Variants in MINDY2 observed in about 807,000 individuals in gnomAD.
MINDY2 encodes the protein ubiquitin carboxyl-terminal hydrolase MINDY-2.
MINDY2 carries 52 observed loss-of-function variants against 68.2 expected under a neutral mutation model. The observed-to-expected ratio is 0.76, with a 90% confidence interval of 0.61 to 0.96. The LOEUF (loss-of-function observed/expected upper bound fraction) is 0.96. Ranked by LOEUF, MINDY2 falls within the 40% of genes least tolerant of loss-of-function variation. The probability of loss-of-function intolerance (pLI) is 0.00; values close to 1 mark genes in which losing one functional copy is unlikely to be tolerated. For synonymous variants in MINDY2, 372 were observed against 303.0 expected, an observed-to-expected ratio of 1.23 and a Z score of -2.36; for missense variants, 881 against 773.4, an observed-to-expected ratio of 1.14 and a Z score of -1.65.
chr15:58,852,948 T>G lies in MINDY2; in HGVS notation c.1737+983T>G, dbSNP rs1280531808. ...TTTTTTTTTTTTTTTTTTTTTTTTT[T>G]TTTTTTTTTTTTTTTTTTTTTTAAG... On this transcript the variant is annotated intron_variant, in intron 8 of 8. Coordinates refer to ENST00000559228, the MANE Select transcript of MINDY2 (RefSeq NM_001040450.3). Among the ~76,000 whole-genome samples the G allele has an allele frequency of 2.2e-3, 100 of 44,584 alleles. 3 individuals are homozygous for G. The highest frequency in any genetic ancestry group is 3.8e-3 in the Non-Finnish European group (70 of 18,376). The allele number at this position is 44,584 out of a possible 152,430, so 29.2% of individuals were successfully genotyped here.
intron 8 of MINDY2, among the ~76,000 whole-genome samples, chr15:58,854,040 T>G: frequency 6.6e-6 from 1 of 151,486 alleles, no homozygotes; most frequent in East Asian, 2.0e-4. Flanking sequence ...GTCAGGAGTG[T>G]GAGACCAGCC....
At chr15:58,807,764 C>T (rs2029910091) in intron 3 of MINDY2, among the ~76,000 whole-genome samples, 1 of 152,164 alleles carries the variant, frequency 6.6e-6, no homozygotes, top group Non-Finnish European at 1.5e-5. Context: ...TGTGATCCAG[C>T]CTCTGCCTGT....
chr15:58,831,033 G>GTATATATATA (rs1294321709), intron 5 of MINDY2, among the ~76,000 whole-genome samples: 2 of 105,560 alleles, frequency 1.9e-5, no homozygotes, highest in African/African-American at 1.1e-4. Flanking sequence ...GTGTGTGTGT[G>GTATATATATA]TGTGTGTGTA....
Position 58,854,780 on chromosome 15 carries a change from A to G in MINDY2, c.*170A>G. 3.3e-6 allele frequency: 2 copies of G among 602,964 alleles called. No homozygotes were observed. Among genetic ancestry groups the G allele is most frequent in the Non-Finnish European group, 5.4e-6 (2 of 371,638 alleles). 37.4% of individuals were successfully genotyped at this position (602,964 alleles called of 1,614,324 possible). A position where few individuals can be genotyped will look rare whatever the true frequency, so the allele number is the denominator to read the frequency against. On this transcript the variant is annotated 3_prime_UTR_variant, in exon 9 of 9. Coordinates refer to ENST00000559228, the MANE Select transcript of MINDY2 (RefSeq NM_001040450.3). Reference sequence around the variant, plus strand: ...TTACAATCAGACTTTTTCAAGTCACACAATACACTCTTTATGAGCTGGAGT... The same window carrying G: ...TTACAATCAGACTTTTTCAAGTCACGCAATACACTCTTTATGAGCTGGAGT...
intron 1 of MINDY2, among the ~76,000 whole-genome samples, chr15:58,783,866 G>GC (rs1901314681): frequency 6.6e-6 from 1 of 152,126 alleles, no homozygotes; most frequent in Non-Finnish European, 1.5e-5. Context: ...CATCACCTGA[G>GC]CCCGGGGAGG....
At chr15:58,792,093 T>G (rs1395526901) in intron 2 of MINDY2, among the ~76,000 whole-genome samples, 2 of 152,134 alleles carry the variant, frequency 1.3e-5, no homozygotes, top group African/African-American at 4.8e-5. Flanking sequence ...AAGGAGGTCA[T>G]TGATAACCTT....
chr15:58,789,286 C>T (rs938276930), intron 2 of MINDY2, among the ~76,000 whole-genome samples: 12 of 152,114 alleles, frequency 7.9e-5, no homozygotes, highest in Admixed American at 5.2e-4. Context: ...TGCAGTGAGC[C>T]GAGATTGCAC....
chr15:58,795,087 A>G (rs1277972712), intron 2 of MINDY2, among the ~76,000 whole-genome samples: 5 of 151,856 alleles, frequency 3.3e-5, no homozygotes, highest in African/African-American at 1.2e-4. Context: ...GAGGCAGGAG[A>G]ATAGCGTGAA....
chr15:58,798,458 A>AAT (rs1555429729), intron 2 of MINDY2, among the ~76,000 whole-genome samples: 327 of 144,058 alleles, frequency 2.3e-3, no homozygotes, highest in African/African-American at 4.9e-3. Context: ...GTAAAAAAAA[A>AAT]TTTTTTTTTT....
chr15:58,843,699 T>A (rs1262359637), intron 6 of MINDY2, among the ~76,000 whole-genome samples: 4 of 151,870 alleles, frequency 2.6e-5, no homozygotes, highest in African/African-American at 9.7e-5. Flanking sequence ...CCGGGCGTGG[T>A]GGTGGGCACC....
chr15:58,830,432 G>A (rs143472477), intron 5 of MINDY2, among the ~76,000 whole-genome samples: 4 of 152,124 alleles, frequency 2.6e-5, no homozygotes, highest in Non-Finnish European at 5.9e-5. Context: ...CCAACATGAC[G>A]CTCACAGGAA....
At chr15:58,773,346 G>A (rs536224987) in intron 1 of MINDY2, among the ~76,000 whole-genome samples, 4 of 152,182 alleles carry the variant, frequency 2.6e-5, no homozygotes, top group Admixed American at 2.6e-4. Context: ...CAAGTAAAGG[G>A]AATAGTGTTT....
chr15:58,796,732 G>A (rs551109762), intron 2 of MINDY2, among the ~76,000 whole-genome samples: 88 of 152,170 alleles, frequency 5.8e-4, no homozygotes, highest in South Asian at 1.5e-3. Flanking sequence ...CATGTTGGCC[G>A]GGCTGGTCTT....
intron 4 of MINDY2, among the ~76,000 whole-genome samples, chr15:58,814,858 G>A (rs1006237051): frequency 1.3e-5 from 2 of 148,946 alleles, no homozygotes; most frequent in East Asian, 3.9e-4. Context: ...TCCCAGGCTG[G>A]TCTTGAACTC....
chr15:58,775,859 A>ATTTT (rs544164455), intron 1 of MINDY2, among the ~76,000 whole-genome samples: 1 of 139,582 alleles, frequency 7.2e-6, no homozygotes, highest in Non-Finnish European at 1.6e-5. Context: ...AAGAGGCTAA[A>ATTTT]TTTTTTTTTT....
intron 1 of MINDY2, among the ~76,000 whole-genome samples, chr15:58,774,303 T>G (rs1900634876): frequency 6.6e-6 from 1 of 151,874 alleles, no homozygotes; most frequent in African/African-American, 2.4e-5. Flanking sequence ...GCCAACATGG[T>G]GAAACCCCGT....
intron 1 of MINDY2, among the ~76,000 whole-genome samples, chr15:58,785,555 A>G (rs1901442582): frequency 6.6e-6 from 1 of 152,204 alleles, no homozygotes; most frequent in South Asian, 2.1e-4. Context: ...ACGTTTATTT[A>G]GAAAAACAGA....
rs1278269994 is a variant in MINDY2, at chr15:58,856,575, G to C, written c.*1965G>C. The C allele has an allele frequency of 3.9e-5, 6 of 152,136 alleles. No homozygotes were observed. Among genetic ancestry groups the C allele is most frequent in the African/African-American group, 1.4e-4 (6 of 41,424 alleles). 9.4% of individuals were successfully genotyped at this position (152,136 alleles called of 1,614,324 possible). On this transcript the variant is annotated 3_prime_UTR_variant, in exon 9 of 9. Coordinates refer to ENST00000559228, the MANE Select transcript of MINDY2 (RefSeq NM_001040450.3). The stretch of plus-strand genomic sequence containing the variant: ...AACTCTGATAGAAAATATTTAATGA[G>C]TATCTTGATTATAACCTAGAATATG...
chr15:58,803,628 C>T (rs1902820187), intron 3 of MINDY2, among the ~76,000 whole-genome samples: 2 of 151,810 alleles, frequency 1.3e-5, no homozygotes, highest in Non-Finnish European at 2.9e-5. Context: ...ACCAGCTGTT[C>T]AACATGGAAA....
Sources: allele counts gnomAD v4.1 joint callset (sites outside exome capture counted in the v4.1 genomes callset), GRCh38; gene constraint gnomAD v4.1.1; transcripts MANE v1.5; gene names NCBI Gene and HGNC (gene_info 2026-07-23, HGNC 2026-07-21).